Variants in FABP6 observed in about 807,000 individuals in gnomAD.
FABP6 encodes fatty acid binding protein 6.
A neutral mutation model predicts 14.9 loss-of-function variants in FABP6; 13 were observed. That is an observed-to-expected ratio of 0.87 (90% CI 0.57 to 1.39). The LOEUF (loss-of-function observed/expected upper bound fraction) is 1.39. FABP6 is among the 40% of genes most tolerant of loss of function. The pLI is 0.00. For missense variants in FABP6, 161 were observed against 167.2 expected, an observed-to-expected ratio of 0.96 and a Z score of 0.20; for synonymous variants, 75 against 63.6, an observed-to-expected ratio of 1.18 and a Z score of -0.85.
intron 1 of FABP6, chr5:160,195,736 T>C (rs1759496903): frequency 6.6e-6 from 1 of 152,274 alleles, no homozygotes; most frequent in Non-Finnish European, 1.5e-5. Context: ...CCAGCCCACC[T>C]GGCTATTTTT....
chr5:160,230,184 A>G (rs1288532641), intron 1 of FABP6, among the ~76,000 whole-genome samples: 1 of 151,798 alleles, frequency 6.6e-6, no homozygotes, highest in African/African-American at 2.4e-5. Flanking sequence ...CACCCAGCAT[A>G]GACACTCTTT....
chr5:160,201,187 C>T (rs1759631347), intron 2 of FABP6, among the ~76,000 whole-genome samples: 2 of 150,502 alleles, frequency 1.3e-5, no homozygotes, highest in Non-Finnish European at 2.9e-5. Context: ...AAAACTCCAT[C>T]TCTAAAAAAA....
At chr5:160,201,989 C>G (rs1231072210) in intron 2 of FABP6, among the ~76,000 whole-genome samples, 1 of 152,156 alleles carries the variant, frequency 6.6e-6, no homozygotes, top group African/African-American at 2.4e-5. Flanking sequence ...GTCTTGAACT[C>G]CTGGGCTCAG....
At chr5:160,192,817 A>T (rs969430563) in intron 1 of FABP6, among the ~76,000 whole-genome samples, 1 of 152,270 alleles carries the variant, frequency 6.6e-6, no homozygotes, top group African/African-American at 2.4e-5. Flanking sequence ...CCTGGATCAT[A>T]TAAGAAATCC....
chr5:160,205,917 T>C (rs984041174), intron 2 of FABP6, among the ~76,000 whole-genome samples: 1 of 152,242 alleles, frequency 6.6e-6, no homozygotes, highest in African/African-American at 2.4e-5. Context: ...ATTCTAGTCA[T>C]GAGAGATATT....
intron 3 of FABP6, among the ~76,000 whole-genome samples, chr5:160,237,777 A>G (rs1392818085): frequency 1.3e-5 from 2 of 152,152 alleles, no homozygotes; most frequent in Admixed American, 6.6e-5. Context: ...TGGACCAGCT[A>G]CTGCTCCTGA....
At chr5:160,212,935 G>C (rs1247189288) in intron 2 of FABP6, among the ~76,000 whole-genome samples, 3 of 152,174 alleles carry the variant, frequency 2.0e-5, no homozygotes, top group Admixed American at 2.0e-4. Context: ...CAAGTTCTAA[G>C]TGGAAAAGAG....
chr5:160,217,159 C>T (rs953778216), intron 3 of FABP6, among the ~76,000 whole-genome samples: 9 of 152,268 alleles, frequency 5.9e-5, no homozygotes, highest in Non-Finnish European at 1.3e-4. Flanking sequence ...CAGTATTTTC[C>T]ATCAACTGAG....
intron 1 of FABP6, among the ~76,000 whole-genome samples, chr5:160,189,687 C>T (rs548292111): frequency 2.0e-5 from 3 of 152,060 alleles, no homozygotes; most frequent in African/African-American, 4.8e-5. Context: ...CCTGGGACAA[C>T]GTAGAGAGAC....
rs190218323 is a variant in FABP6 at position 160,220,864 on chromosome 5, G to A, written c.135+7045G>A. Reference sequence around the variant, plus strand: ...GCAGTTTGGGAGGCTGAGGTGGGTGGATCATTTGAGATCAGGAGTTCAAGA... The same window carrying A: ...GCAGTTTGGGAGGCTGAGGTGGGTGAATCATTTGAGATCAGGAGTTCAAGA... On this transcript the variant is annotated intron_variant, in intron 3 of 6. Coordinates refer to the FABP6 transcript ENST00000393980. 4.4e-3 allele frequency among the ~76,000 whole-genome samples: 676 copies of A among 151,964 alleles called. 6 individuals carry two copies. The highest frequency in any genetic ancestry group is 0.015 in the African/African-American group (637 of 41,448).
intron 3 of FABP6, among the ~76,000 whole-genome samples, chr5:160,216,501 C>T (rs763937428): frequency 1.3e-4 from 20 of 152,052 alleles, no homozygotes; most frequent in Non-Finnish European, 2.4e-4. Context: ...CTCCTGACCT[C>T]GGATGATCCA....
chr5:160,230,916 A>G (rs1408319526), intron 1 of FABP6, among the ~76,000 whole-genome samples: 1 of 152,234 alleles, frequency 6.6e-6, no homozygotes. Flanking sequence ...GGGCAGAGAG[A>G]CCAGTGATTT....
upstream of FABP6, among the ~76,000 whole-genome samples, chr5:160,225,470 C>T (rs1207636807): frequency 2.1e-5 from 3 of 145,316 alleles, no homozygotes; most frequent in Non-Finnish European, 3.0e-5. Context: ...GGTGTGATCT[C>T]GGCTCACTGC....
chr5:160,237,636 A>G (rs1227208779), intron 3 of FABP6, among the ~76,000 whole-genome samples: 1 of 151,388 alleles, frequency 6.6e-6, no homozygotes, highest in Non-Finnish European at 1.5e-5. Context: ...CCCACCTTCC[A>G]TCCATCCCAT....
intron 2 of FABP6, among the ~76,000 whole-genome samples, chr5:160,232,921 A>T (rs749169011): frequency 2.0e-5 from 3 of 150,040 alleles, no homozygotes; most frequent in South Asian, 4.2e-4. Context: ...AAATAAAAAT[A>T]AAAAAAACCT....
chr5:160,233,109 G>A (rs1339336687), intron 2 of FABP6, among the ~76,000 whole-genome samples: 3 of 150,866 alleles, frequency 2.0e-5, no homozygotes, highest in Admixed American at 2.0e-4. Flanking sequence ...AGCCTCCTGA[G>A]TAGCTGGGAT....
chr5:160,234,990 A>G (rs1207318703), intron 3 of FABP6, 81 bp downstream of exon 3: 5 of 1,253,902 alleles, frequency 4.0e-6, no homozygotes. Flanking sequence ...GTAGGCCTCT[A>G]CGCAGCTGGC....
intron 3 of FABP6, among the ~76,000 whole-genome samples, chr5:160,220,150 G>T (rs1372790116): frequency 6.6e-6 from 1 of 152,192 alleles, no homozygotes; most frequent in Non-Finnish European, 1.5e-5. Flanking sequence ...ATAAACAGTA[G>T]TTCAAAATAG....
chr5:160,192,142 A>G (rs1247073872), intron 1 of FABP6, among the ~76,000 whole-genome samples: 1 of 151,942 alleles, frequency 6.6e-6, no homozygotes, highest in African/African-American at 2.4e-5. Flanking sequence ...AAAGGCCCCA[A>G]TGTCACCTAC....
Sources: allele counts gnomAD v4.1 joint callset (sites outside exome capture counted in the v4.1 genomes callset), GRCh38; gene constraint gnomAD v4.1.1; transcripts MANE v1.5; gene names NCBI Gene and HGNC (gene_info 2026-07-23, HGNC 2026-07-21).